The following COL4A5 variants were observed in gnomAD, a reference collection of about 807,000 sequenced individuals.
COL4A5 encodes the protein collagen alpha-5(IV) chain.
A neutral mutation model predicts 130.2 loss-of-function variants in COL4A5; 26 were observed. The ratio of observed to expected loss-of-function variants is 0.20; its 90% CI spans 0.15 to 0.28. The LOEUF (loss-of-function observed/expected upper bound fraction) is 0.28. Among genes scored for constraint, COL4A5 ranks in the 10% least tolerant of loss-of-function variants. The pLI is 1.00. For missense variants in COL4A5, 1,131 were observed against 1,344.3 expected, an observed-to-expected ratio of 0.84 and a Z score of 2.48; for synonymous variants, 496 against 439.6, an observed-to-expected ratio of 1.13 and a Z score of -1.60.
chrX:108,681,958 C>T (rs1230927628), intron 47 of COL4A5, 70 bp downstream of exon 47: 2 of 1,025,429 alleles, frequency 2.0e-6, no homozygotes, highest in Non-Finnish European at 2.7e-6. Context: ...GCAGAATGTA[C>T]AGGTTTGTTA....
intron 33 of COL4A5, among the ~76,000 whole-genome samples, chrX:108,623,465 TATAAC>T (rs1260862391): frequency 9.0e-6 from 1 of 111,000 alleles, no homozygotes; most frequent in East Asian, 2.8e-4. Flanking sequence ...TTTATAGAAG[TATAAC>T]ATGTTCATAA....
chrX:108,611,228 A>G, intron 29 of COL4A5, among the ~76,000 whole-genome samples: 1 of 111,361 alleles, frequency 9.0e-6, no homozygotes, highest in East Asian at 2.8e-4. Context: ...GAGGAAGAAA[A>G]TGTGCTTAAG....
intron 1 of COL4A5, among the ~76,000 whole-genome samples, chrX:108,461,298 AT>A (rs2064648038): frequency 9.4e-6 from 1 of 106,619 alleles, no homozygotes; most frequent in Non-Finnish European, 1.9e-5. Context: ...ATATGCAGAT[AT>A]GGAAAAGGAG....
intron 1 of COL4A5, among the ~76,000 whole-genome samples, chrX:108,530,681 G>A (rs2065373483): frequency 1.1e-5 from 1 of 91,513 alleles, no homozygotes; most frequent in African/African-American, 4.0e-5. Context: ...AGTTAGAATG[G>A]CAATCATTAA....
At chrX:108,518,031 A>C (rs2065236008) in intron 1 of COL4A5, among the ~76,000 whole-genome samples, 1 of 111,273 alleles carries the variant, frequency 9.0e-6, no homozygotes, top group African/African-American at 3.3e-5. Flanking sequence ...TATAAAATAA[A>C]GTTATCAAAT....
At position 108,677,595 on chromosome X, in the gene COL4A5, C is replaced by T; in HGVS notation, c.3904C>T (p.Pro1302Ser). Residue 1302 changes from proline to serine, a missense_variant, in exon 44 of 53, where the codon CCT (proline) becomes TCT (serine). Coordinates refer to ENST00000328300, the MANE Select transcript of COL4A5 (RefSeq NM_033380.3). ...AGGCCAACCTGGGCTACCTGGCTTGCCTGGTTTGAAAGGAGATCAAGGACC... is the reference window on the plus strand; with the variant it reads ...AGGCCAACCTGGGCTACCTGGCTTGTCTGGTTTGAAAGGAGATCAAGGACC... ...NPGQPGLPGL[P>S]GLKGDQGPPG... 1 of 1,210,683 alleles carries T rather than the reference C, an allele frequency of 8.3e-7. No individual in the cohort carries two copies.
At chrX:108,551,338 G>A (rs144912271) in intron 2 of COL4A5, among the ~76,000 whole-genome samples, 161 of 111,323 alleles carry the variant, frequency 1.4e-3, no homozygotes, top group African/African-American at 5.1e-3. Flanking sequence ...TCAAAAATGG[G>A]CAAAGGACAT....
At chrX:108,457,920 T>C (rs2064599989) in intron 1 of COL4A5, among the ~76,000 whole-genome samples, 1 of 112,246 alleles carries the variant, frequency 8.9e-6, no homozygotes. Flanking sequence ...ATTTCTTTTT[T>C]ATTTGTTTTC....
intron 1 of COL4A5, among the ~76,000 whole-genome samples, chrX:108,450,073 A>G (rs185409850): frequency 2.3e-4 from 26 of 111,700 alleles, no homozygotes; most frequent in African/African-American, 7.5e-4. Context: ...AGGGTCCTCA[A>G]TGTAGCATTA....
In COL4A5 at chrX:108,578,380, T is replaced by A. The variant is rs1367218104; in HGVS notation, c.777T>A (p.Asp259Glu). 4 of 1,182,836 alleles carry A rather than the reference T, an allele frequency of 3.4e-6. No individual in the cohort carries two copies. Among genetic ancestry groups the A allele is most frequent in the Non-Finnish European group, 4.6e-6 (4 of 869,918 alleles). ...RPIDVEFQKG[D>E]QGLPGDRGPP... Reference sequence around the variant, plus strand: ...TTGATGTAGAGTTTCAGAAAGGAGATCAGGTGAGTAAGTAGGGAGGAAGTC... The same window carrying A: ...TTGATGTAGAGTTTCAGAAAGGAGAACAGGTGAGTAAGTAGGGAGGAAGTC... Residue 259 changes from aspartate (D) to glutamate (E), a missense_variant, in exon 13 of 53, where the codon GAT (aspartate) becomes GAA (glutamate). By Grantham distance (45) the Asp-to-Glu change is conservative. Transcript: ENST00000328300.
intron 36 of COL4A5, chrX:108,626,987 A>G (rs916284420): frequency 1.3e-6 from 1 of 743,167 alleles, no homozygotes; most frequent in Non-Finnish European, 1.6e-6. Flanking sequence ...GAATTTTGGT[A>G]CTCAGTTTTC....
At chrX:108,522,777 CTT>C (rs1222234776) in intron 1 of COL4A5, among the ~76,000 whole-genome samples, 1 of 108,186 alleles carries the variant, frequency 9.2e-6, no homozygotes, top group Non-Finnish European at 1.9e-5. Context: ...GAAGCTCAAA[CTT>C]TTACAATTTT....
chrX:108,671,419 C>G (rs985922820), intron 42 of COL4A5, among the ~76,000 whole-genome samples: 1 of 111,727 alleles, frequency 9.0e-6, no homozygotes, highest in Non-Finnish European at 1.9e-5. Context: ...TCTCTAGTTT[C>G]TTACTCCACT....
At chrX:108,453,486 T>G (rs1020068420) in intron 1 of COL4A5, among the ~76,000 whole-genome samples, 6 of 111,777 alleles carry the variant, frequency 5.4e-5, no homozygotes, top group Non-Finnish European at 9.4e-5. Flanking sequence ...ATTCATAATA[T>G]ATGTTAACAT....
intron 28 of COL4A5, among the ~76,000 whole-genome samples, chrX:108,605,129 C>G (rs1466015705): frequency 8.9e-6 from 1 of 112,018 alleles, no homozygotes; most frequent in South Asian, 3.7e-4. Context: ...ATAACTTTTC[C>G]TTCACATTCA....
chrX:108,646,841 C>G (rs978262514), intron 36 of COL4A5, among the ~76,000 whole-genome samples: 6 of 110,846 alleles, frequency 5.4e-5, no homozygotes, highest in African/African-American at 2.0e-4. Context: ...ATAGGGAATC[C>G]TTTCCCCATT....
intron 41 of COL4A5, 50 bp downstream of exon 41, chrX:108,668,554 T>C (rs1030364512): frequency 1.3e-5 from 13 of 1,003,899 alleles, no homozygotes; most frequent in East Asian, 3.2e-5. Flanking sequence ...TCCATGTATT[T>C]CGTTTTGCTG....
chrX:108,530,683 A>G (rs1397624671), intron 1 of COL4A5, among the ~76,000 whole-genome samples: 1 of 89,502 alleles, frequency 1.1e-5, no homozygotes, highest in African/African-American at 4.1e-5. Context: ...TTAGAATGGC[A>G]ATCATTAAAA....
At chrX:108,489,975 T>A (rs751130815) in intron 1 of COL4A5, among the ~76,000 whole-genome samples, 95 of 111,730 alleles carry the variant, frequency 8.5e-4, no homozygotes, top group African/African-American at 3.0e-3. Flanking sequence ...ATTTGTGGAT[T>A]CATATGTAGC....
Sources: allele counts gnomAD v4.1 joint callset (sites outside exome capture counted in the v4.1 genomes callset), GRCh38; gene constraint gnomAD v4.1.1; transcripts MANE v1.5; gene names NCBI Gene and HGNC (gene_info 2026-07-23, HGNC 2026-07-21).